The following ZFAND4 variants were observed in gnomAD, a reference collection of about 807,000 sequenced individuals.
The protein encoded by ZFAND4 is zinc finger AN1-type containing 4.
ZFAND4 carries 43 observed loss-of-function variants against 64.4 expected under a neutral mutation model. That is an observed-to-expected ratio of 0.67 (90% CI 0.52 to 0.86). The LOEUF (loss-of-function observed/expected upper bound fraction) is 0.86. Among genes scored for constraint, ZFAND4 ranks in the 40% least tolerant of loss-of-function variants. ZFAND4 has a pLI of 0.00. For synonymous variants in ZFAND4, 296 were observed against 305.7 expected, an observed-to-expected ratio of 0.97 and a Z score of 0.33; for missense variants, 929 against 859.8, an observed-to-expected ratio of 1.08 and a Z score of -1.01.
At chr10:45,667,390 A>G (rs1215517569) in intron 1 of ZFAND4, among the ~76,000 whole-genome samples, 1 of 151,086 alleles carries the variant, frequency 6.6e-6, no homozygotes, top group Non-Finnish European at 1.5e-5. Context: ...AAAGCTCTAT[A>G]TACAAGATCA....
rs2047791744 is a variant in ZFAND4 at position 45,652,019 on chromosome 10, C to G, written c.275G>C (p.Cys92Ser). The change falls in exon 4 of 10, where the codon TGT (cysteine) becomes TCT (serine). Residue 92 changes from cysteine to serine, a missense_variant. Cys to Ser is a moderately radical substitution (Grantham distance 112). Coordinates refer to ENST00000344646, the MANE Select transcript of ZFAND4 (RefSeq NM_174890.4). Reference sequence around the variant, plus strand: ...CATAGCCAAAACTAGCTTCAAGGTACACCCTTCTGAAATGCTGTGGATAGT... The same window carrying G: ...CATAGCCAAAACTAGCTTCAAGGTAGACCCTTCTGAAATGCTGTGGATAGT... ...CLNDYNISEG[C>S]TLKLVLAMRG... The G allele has an allele frequency of 6.2e-7, 1 of 1,613,712 alleles. No homozygotes were observed. Among genetic ancestry groups the G allele is most frequent in the African/African-American group, 1.3e-5 (1 of 74,932 alleles).
intron 1 of ZFAND4, among the ~76,000 whole-genome samples, chr10:45,668,731 A>G (rs1003147567): frequency 2.0e-5 from 3 of 152,262 alleles, no homozygotes; most frequent in African/African-American, 7.2e-5. Context: ...ATTATAACTC[A>G]GGATTAAGAA....
At chr10:45,621,073 T>C (rs140518809) in intron 8 of ZFAND4, 1 of 152,312 alleles carries the variant, frequency 6.6e-6, no homozygotes, top group East Asian at 1.9e-4. Flanking sequence ...CTACAAAAAC[T>C]GACCCAACAG....
chr10:45,660,049 C>G (rs1175650117), intron 2 of ZFAND4, among the ~76,000 whole-genome samples: 1 of 151,456 alleles, frequency 6.6e-6, no homozygotes, highest in Non-Finnish European at 1.5e-5. Context: ...GTAGTCCCAC[C>G]TACTCGGGAG....
chr10:45,633,225 A>C (rs1240974803), intron 6 of ZFAND4, among the ~76,000 whole-genome samples: 1 of 152,104 alleles, frequency 6.6e-6, no homozygotes, highest in African/African-American at 2.4e-5. Flanking sequence ...CAAAAAAAAA[A>C]AAAAACTTTA....
intron 5 of ZFAND4, among the ~76,000 whole-genome samples, chr10:45,642,738 A>G (rs1244587333): frequency 6.6e-6 from 1 of 151,616 alleles, no homozygotes; most frequent in East Asian, 1.9e-4. Context: ...GTATAGATTC[A>G]TGAGATGAGT....
rs376511722 is a variant in ZFAND4, at chr10:45,637,339, CAA to C, written c.717+2475_717+2476del. ...CTGGAGACACAGCAAGACTCCGTCTCAAAAAAAAAAAAAAAAAAAATTTCAGC... is the reference window on the plus strand; with the variant it reads ...CTGGAGACACAGCAAGACTCCGTCTCAAAAAAAAAAAAAAAAAATTTCAGC... On this transcript the variant is annotated intron_variant, in intron 6 of 9. Transcript: ENST00000344646. Among the ~76,000 whole-genome samples the C allele has an allele frequency of 6.7e-3, 474 of 71,226 alleles. 7 individuals carry two copies. The East Asian group carries it at 0.1, about 15-fold the overall frequency. The allele number at this position is 71,226 out of a possible 152,430, so 46.7% of individuals were successfully genotyped here. A position where few individuals can be genotyped will look rare whatever the true frequency, so the allele number is the denominator to read the frequency against.
At chr10:45,655,720 T>C (rs1385663252) in intron 2 of ZFAND4, among the ~76,000 whole-genome samples, 1 of 152,130 alleles carries the variant, frequency 6.6e-6, no homozygotes, top group Non-Finnish European at 1.5e-5. Context: ...TCATTCAAGA[T>C]TACTATAAAT....
Position 45,648,340 on chromosome 10 carries a change from C to A in ZFAND4, c.523G>T (p.Asp175Tyr), listed in dbSNP as rs1183405017. 1 of 1,613,464 alleles carries A rather than the reference C, an allele frequency of 6.2e-7. No homozygotes were observed. Among genetic ancestry groups the A allele is most frequent in the South Asian group, 1.1e-5 (1 of 90,966 alleles). Reference sequence around the variant, plus strand: ...CTCCGTAGGACATGCAAATGAAAATCTATTTTCTTTGAAGAGTCAGATAAC... The same window carrying A: ...CTCCGTAGGACATGCAAATGAAAATATATTTTCTTTGAAGAGTCAGATAAC... ...TPLSDSSKKI[D>Y]FHLHVLRRKG... Residue 175 changes from aspartate (D) to tyrosine (Y), a missense_variant, in exon 5 of 10, where the codon GAT becomes TAT. By Grantham distance (160) the Asp-to-Tyr change is radical. Transcript: ENST00000344646.
intron 4 of ZFAND4, chr10:45,649,104 T>C (rs1030057235): frequency 1.7e-5 from 3 of 178,094 alleles, no homozygotes; most frequent in African/African-American, 5.9e-5. Flanking sequence ...CCGTCTCTAC[T>C]AAAAAAAATA....
At chr10:45,642,442 CT>C (rs1418446728) in intron 5 of ZFAND4, among the ~76,000 whole-genome samples, 2 of 151,770 alleles carry the variant, frequency 1.3e-5, no homozygotes, top group Admixed American at 1.3e-4. Flanking sequence ...CCCATCTCTA[CT>C]AAAAATACAA....
At position 45,630,558 on chromosome 10, in the gene ZFAND4, T is replaced by A. The variant is rs1405748728; in HGVS notation, c.718-3453A>T. Among the ~76,000 whole-genome samples the A allele has an allele frequency of 2.0e-5, 3 of 151,906 alleles. No homozygotes were observed. The East Asian group carries it at 5.8e-4, about 29-fold the overall frequency. On this transcript the variant is annotated intron_variant, in intron 6 of 9. Transcript: ENST00000344646. ...CTGGCTAAGAGGGTGAAATCCTGTC[T>A]CTACTAAAAATATAAAAAAATTAGC... is the stretch of plus-strand genomic sequence containing the variant.
At chr10:45,641,976 C>T (rs1017904396) in intron 5 of ZFAND4, among the ~76,000 whole-genome samples, 1 of 152,188 alleles carries the variant, frequency 6.6e-6, no homozygotes, top group African/African-American at 2.4e-5. Context: ...ACAGGACTTA[C>T]TGCATCATGC....
chr10:45,624,711 T>A, intron 7 of ZFAND4, 74 bp from the exon 8 acceptor site: 1 of 1,240,204 alleles, frequency 8.1e-7, no homozygotes, highest in Non-Finnish European at 1.2e-6. Flanking sequence ...CATGAAATAC[T>A]TGTATTTTAT....
rs182382494 is a variant in ZFAND4 at position 45,669,510 on chromosome 10, A to C, written c.-118+2740T>G. ...ATTCCAATCAATAGAAAAAGAGGGA[A>C]TCCTCCCTAACTCATTTTATGAGGC... On this transcript the variant is annotated intron_variant, in intron 1 of 9. Transcript: ENST00000344646. 9.1e-3 allele frequency among the ~76,000 whole-genome samples: 1,380 copies of C among 152,258 alleles called. 20 individuals are homozygous for C. Among genetic ancestry groups the C allele is most frequent in the African/African-American group, 0.032 (1,313 of 41,554 alleles).
chr10:45,669,327 C>T (rs779333588), intron 1 of ZFAND4, among the ~76,000 whole-genome samples: 1 of 152,142 alleles, frequency 6.6e-6, no homozygotes, highest in Non-Finnish European at 1.5e-5. Context: ...CAGGACTAAA[C>T]CAGGAAGAAG....
In ZFAND4 at chr10:45,618,252, T is replaced by C. The variant is rs149625010; in HGVS notation, c.1936A>G (p.Thr646Ala). ...AAAGKSVGECTTHHLPPVKAP... is the reference protein window; with the variant it reads ...AAAGKSVGECATHHLPPVKAP... Reference sequence around the variant, plus strand: ...TTCACAGGTGGGAGGTGATGAGTAGTACATTCTCCTGTTTAGAGAAAGGAC... The same window carrying C: ...TTCACAGGTGGGAGGTGATGAGTAGCACATTCTCCTGTTTAGAGAAAGGAC... Residue 646 changes from threonine to alanine, a missense_variant, in exon 9 of 10, where the codon ACT (threonine) becomes GCT (alanine). Coordinates refer to ENST00000344646, the MANE Select transcript of ZFAND4 (RefSeq NM_174890.4). The C allele has an allele frequency of 1.9e-6, 3 of 1,611,968 alleles. No individual in the cohort carries two copies. The highest frequency in any genetic ancestry group is 2.5e-6 in the Non-Finnish European group (3 of 1,179,378).
At chr10:45,633,124 A>C (rs2046333666) in intron 6 of ZFAND4, among the ~76,000 whole-genome samples, 1 of 152,076 alleles carries the variant, frequency 6.6e-6, no homozygotes, top group Non-Finnish European at 1.5e-5. Flanking sequence ...TACAGCAAAA[A>C]GTATGAGAAA....
intron 9 of ZFAND4, among the ~76,000 whole-genome samples, chr10:45,617,330 A>G (rs1458983429): frequency 6.6e-6 from 1 of 152,034 alleles, no homozygotes; most frequent in East Asian, 1.9e-4. Context: ...TACACTCTAA[A>G]AAGCAGGGAT....
Sources: allele counts gnomAD v4.1 joint callset (sites outside exome capture counted in the v4.1 genomes callset), GRCh38; gene constraint gnomAD v4.1.1; transcripts MANE v1.5; gene names NCBI Gene and HGNC (gene_info 2026-07-23, HGNC 2026-07-21).